The following DNAJC16 variants were observed in gnomAD, a reference collection of about 807,000 sequenced individuals.
DNAJC16 encodes dnaJ homolog subfamily C member 16.
Under a neutral mutation model 92.7 loss-of-function variants are expected in DNAJC16, and 76 were observed. That is an observed-to-expected ratio of 0.82 (90% CI 0.68 to 0.99). The LOEUF (loss-of-function observed/expected upper bound fraction) is 0.99. Among genes scored for constraint, DNAJC16 ranks in the 50% least tolerant of loss-of-function variants. DNAJC16 has a pLI of 0.00. For synonymous variants in DNAJC16, 328 were observed against 358.7 expected (o/e 0.91, Z 0.97); for missense variants, 869 against 942.4 (o/e 0.92, Z 1.02).
In DNAJC16 at chr1:15,564,059, C is replaced by A. The variant is rs770338695; in HGVS notation, c.1469C>A (p.Ala490Asp). ...GYLDQLRKDP[A>D]LLSSEAVLPD... ...CTCGACCAGCTGCGTAAAGATCCAG[C>A]TCTTCTGTCCTCTGAAGCAGTGCTT... The change falls in exon 10 of 15, where the codon GCT (alanine) becomes GAT (aspartate). Residue 490 changes from alanine to aspartate, a missense_variant. By Grantham distance (126) the Ala-to-Asp change is moderately radical. Coordinates refer to ENST00000375847, the MANE Select transcript of DNAJC16 (RefSeq NM_015291.4). 6.2e-7 allele frequency: 1 copy of A among 1,613,726 alleles called. No individual in the cohort carries two copies. The highest frequency in any genetic ancestry group is 1.3e-5 in the African/African-American group (1 of 74,928).
At chr1:15,563,299 C>T (rs1407974005) in intron 9 of DNAJC16, among the ~76,000 whole-genome samples, 3 of 151,948 alleles carry the variant, frequency 2.0e-5, no homozygotes, top group Admixed American at 6.6e-5. Context: ...GAGGCCGAGG[C>T]GGGTGGATCA....
At chr1:15,528,476 A>T (rs1298640316) in intron 1 of DNAJC16, among the ~76,000 whole-genome samples, 1 of 152,086 alleles carries the variant, frequency 6.6e-6, no homozygotes, top group East Asian at 1.9e-4. Context: ...ATGATTAAAG[A>T]GCAGCTTCTC....
At chr1:15,547,738 G>C (rs745321363) in intron 6 of DNAJC16, among the ~76,000 whole-genome samples, 3 of 152,116 alleles carry the variant, frequency 2.0e-5, no homozygotes, top group Non-Finnish European at 4.4e-5. Context: ...CACCACGCCT[G>C]GCCACTATCC....
chr1:15,529,322 C>T (rs1710599837), intron 2 of DNAJC16, 50 bp downstream of exon 2: 11 of 1,537,006 alleles, frequency 7.2e-6, no homozygotes, highest in Non-Finnish European at 9.7e-6. Context: ...ACAGTCTTAG[C>T]AGGGATGAAG....
At position 15,536,667 on chromosome 1, in the gene DNAJC16, T is replaced by C; in HGVS notation, c.427T>C (p.Leu143=). ...GCGGGACTCAATTGACGAAAAGTAT[T>C]TATTGCACTTTTCACATTATGTGAA... ...ERRDSIDEKY[L]LHFSHYVNEV... The change falls in exon 4 of 15, where the codon TTA becomes CTA. Residue 143 remains leucine (L), a synonymous_variant. Coordinates refer to ENST00000375847, the MANE Select transcript of DNAJC16 (RefSeq NM_015291.4). The C allele has an allele frequency of 6.2e-7, 1 of 1,614,160 alleles. No individual in the cohort carries two copies. The highest frequency in any genetic ancestry group is 8.5e-7 in the Non-Finnish European group (1 of 1,180,018).
At chr1:15,556,012 T>C (rs1048047333) in intron 7 of DNAJC16, among the ~76,000 whole-genome samples, 1 of 138,170 alleles carries the variant, frequency 7.2e-6, no homozygotes, top group African/African-American at 2.8e-5. Context: ...AAAAAAAGAA[T>C]GTAAAGGGAG....
chr1:15,546,915 C>CA, intron 6 of DNAJC16, 44 bp downstream of exon 6: 2 of 906,244 alleles, frequency 2.2e-6, no homozygotes, highest in Non-Finnish European at 3.1e-6. Context: ...CTTTTCTTTT[C>CA]TTTTTTTTTT....
At chr1:15,545,942 A>G (rs1463174460) in intron 5 of DNAJC16, among the ~76,000 whole-genome samples, 1 of 152,242 alleles carries the variant, frequency 6.6e-6, no homozygotes, top group Non-Finnish European at 1.5e-5. Flanking sequence ...AACAATTCAG[A>G]TAACAATAAA....
chr1:15,534,415 A>G (rs1710733953), intron 3 of DNAJC16, 112 bp downstream of exon 3: 5 of 1,096,746 alleles, frequency 4.6e-6, no homozygotes, highest in Non-Finnish European at 6.6e-6. Context: ...CCCTTGATGC[A>G]GTTTCTAGAT....
chr1:15,539,920 C>T lies in DNAJC16; in HGVS notation c.574+3106C>T, dbSNP rs185474130. On this transcript the variant is annotated intron_variant, in intron 4 of 14. Coordinates refer to ENST00000375847, the MANE Select transcript of DNAJC16 (RefSeq NM_015291.4). ...GTGCGTGCCTGTAATCTCAGCTGCT[C>T]AGGAGGCTGAGGCAGGAGAATTGCT... Among the ~76,000 whole-genome samples, 884 of 151,368 alleles carry T rather than the reference C, an allele frequency of 5.8e-3. 4 individuals are homozygous for T. The highest frequency in any genetic ancestry group is 0.021 in the African/African-American group (846 of 41,236).
chr1:15,556,013 G>A lies in DNAJC16; in HGVS notation c.1024-3513G>A, dbSNP rs913115977. 5.5e-5 allele frequency among the ~76,000 whole-genome samples: 8 copies of A among 145,758 alleles called. No homozygotes were observed. The South Asian group carries it at 1.1e-3, about 20-fold the overall frequency. ...TCTCAAAAAAAAAAAAAAAAAGAAT[G>A]TAAAGGGAGCCGGGTGCAGTGGCTC... On this transcript the variant is annotated intron_variant, in intron 7 of 14. Transcript: ENST00000375847.
intron 3 of DNAJC16, among the ~76,000 whole-genome samples, chr1:15,536,253 T>C (rs1710781075): frequency 6.6e-6 from 1 of 151,882 alleles, no homozygotes; most frequent in Admixed American, 6.6e-5. Flanking sequence ...TGATTTTTTG[T>C]ATTTTTAGTA....
In DNAJC16 at chr1:15,542,438, C is replaced by T. The variant is rs571872540; in HGVS notation, c.575-1961C>T. The T allele has an allele frequency of 1.3e-5, 2 of 152,408 alleles. 1 individual carries two copies. Among genetic ancestry groups the T allele is most frequent in the Middle Eastern group, 6.8e-3 (2 of 296 alleles). The allele number at this position is 152,408 out of a possible 1,614,324, so 9.4% of individuals were successfully genotyped here. On this transcript the variant is annotated intron_variant, in intron 4 of 14. Coordinates refer to ENST00000375847, the MANE Select transcript of DNAJC16 (RefSeq NM_015291.4). The stretch of plus-strand genomic sequence containing the variant: ...GGAGGGCAGGATGCTCCCACCCTTC[C>T]ATATACCTTACCATGTACCTCTCTT...
Position 15,567,165 on chromosome 1 carries a change from G to C in DNAJC16, c.1845G>C (p.Leu615Phe), listed in dbSNP as rs772713875. 1.2e-6 allele frequency: 2 copies of C among 1,613,962 alleles called. No homozygotes were observed. The highest frequency in any genetic ancestry group is 1.3e-5 in the African/African-American group (1 of 74,896). ...CAGATGTAACATACACCAGTAACTT[G>C]GTACGTCTGAGGCCAGGCCACATGA... ...ELTDVTYTSN[L>F]VRLRPGHMNV... Residue 615 changes from leucine to phenylalanine, a missense_variant, in exon 14 of 15, where the codon TTG (leucine) becomes TTC (phenylalanine). By Grantham distance (22) the Leu-to-Phe change is conservative. Transcript: ENST00000375847.
chr1:15,548,211 T>G, intron 6 of DNAJC16, 59 bp from the exon 7 acceptor site: 8 of 1,570,262 alleles, frequency 5.1e-6, no homozygotes, highest in South Asian at 3.5e-5. Flanking sequence ...CCCTACTTGA[T>G]TTGTCATTTA....
At chr1:15,565,696 AC>A in intron 11 of DNAJC16, 1 of 578,938 alleles carries the variant, frequency 1.7e-6, no homozygotes, top group Non-Finnish European at 3.1e-6. Context: ...ATACTGAGAT[AC>A]AAAATCAAAC....
intron 11 of DNAJC16, chr1:15,565,685 T>C: frequency 1.8e-6 from 1 of 561,018 alleles, no homozygotes; most frequent in Non-Finnish European, 3.2e-6. Context: ...CATAGCCTAT[T>C]ATACTGAGAT....
intron 5 of DNAJC16, 89 bp downstream of exon 5, chr1:15,544,672 C>A: frequency 3.8e-6 from 5 of 1,315,692 alleles, no homozygotes; most frequent in Non-Finnish European, 5.3e-6. Flanking sequence ...CTGTAGTCCT[C>A]TCAAACCTGA....
At chr1:15,556,125 C>CT (rs35148374) in intron 7 of DNAJC16, among the ~76,000 whole-genome samples, 5,987 of 130,564 alleles carry the variant, frequency 0.046, 410 homozygotes, top group African/African-American at 0.15. Flanking sequence ...GAGACTTTAT[C>CT]TTTTTTTTTT....
Sources: allele counts gnomAD v4.1 joint callset (sites outside exome capture counted in the v4.1 genomes callset), GRCh38; gene constraint gnomAD v4.1.1; transcripts MANE v1.5; gene names NCBI Gene and HGNC (gene_info 2026-07-23, HGNC 2026-07-21).